Variants in CATSPER3 observed in about 807,000 individuals in gnomAD.
CATSPER3 encodes the protein cation channel sperm associated 3.
CATSPER3 carries 23 observed loss-of-function variants against 36.6 expected under a neutral mutation model. That is an observed-to-expected ratio of 0.63 (90% CI 0.45 to 0.89). The LOEUF (loss-of-function observed/expected upper bound fraction) is 0.89, where lower values mean the gene tolerates loss of function less well. CATSPER3 is among the 40% of genes least tolerant of loss of function. The pLI, the probability that CATSPER3 is intolerant of heterozygous loss-of-function variation, is 0.00. For missense variants in CATSPER3, 474 were observed against 503.9 expected (o/e 0.94, Z 0.57); for synonymous variants, 172 against 184.1 (o/e 0.93, Z 0.53).
Position 134,967,915 on chromosome 5 carries a change from G to T in CATSPER3, c.-77G>T. 9.1e-7 allele frequency: 1 copy of T among 1,102,404 alleles called. No individual in the cohort carries two copies. Among genetic ancestry groups the T allele is most frequent in the South Asian group, 1.3e-5 (1 of 78,906 alleles). 68.3% of individuals were successfully genotyped at this position (1,102,404 alleles called of 1,614,324 possible). A position where few individuals can be genotyped will look rare whatever the true frequency, so the allele number is the denominator to read the frequency against. On this transcript the variant is annotated 5_prime_UTR_variant, in exon 1 of 8. Coordinates refer to ENST00000282611, the MANE Select transcript of CATSPER3 (RefSeq NM_178019.3). ...CTTCTCTGCTGCCTCTCAGAATCCA[G>T]ACGCTAAGGAAAATCCCTAAGCAGA...
chr5:134,984,396 A>G (rs2149547980), intron 2 of CATSPER3, among the ~76,000 whole-genome samples: 1 of 152,346 alleles, frequency 6.6e-6, no homozygotes, highest in East Asian at 1.9e-4. Context: ...AATATCCAAA[A>G]TCTACAAGGA....
intron 5 of CATSPER3, 41 bp from the exon 6 acceptor site, chr5:135,009,330 A>T: frequency 1.2e-6 from 2 of 1,606,126 alleles, no homozygotes; most frequent in Non-Finnish European, 1.7e-6. Context: ...CTGGGCATGT[A>T]GCGAGAGCCT....
At chr5:134,987,044 AG>A (rs1241285711) in intron 2 of CATSPER3, among the ~76,000 whole-genome samples, 1 of 152,222 alleles carries the variant, frequency 6.6e-6, no homozygotes, top group African/African-American at 2.4e-5. Context: ...TAGAGGGTAG[AG>A]GAACAATAGA....
chr5:134,999,368 C>T (rs1751992172), intron 3 of CATSPER3, among the ~76,000 whole-genome samples: 2 of 152,252 alleles, frequency 1.3e-5, no homozygotes, highest in South Asian at 4.1e-4. Flanking sequence ...GTTCTTTTGG[C>T]TTAGGATTGT....
chr5:134,968,886 C>A (rs1490869299), intron 1 of CATSPER3: 1 of 152,096 alleles, frequency 6.6e-6, no homozygotes, highest in Non-Finnish European at 1.5e-5. Context: ...TAGACAGACA[C>A]TGTTAAAATT....
intron 2 of CATSPER3, among the ~76,000 whole-genome samples, chr5:134,988,903 A>G (rs1403492319): frequency 6.6e-6 from 1 of 152,138 alleles, no homozygotes; most frequent in Non-Finnish European, 1.5e-5. Flanking sequence ...AAGAATCACT[A>G]TGTCAGCTAT....
At chr5:134,986,781 A>G (rs373922011) in intron 2 of CATSPER3, among the ~76,000 whole-genome samples, 2 of 152,320 alleles carry the variant, frequency 1.3e-5, no homozygotes, top group Non-Finnish European at 2.9e-5. Context: ...ACTCTTAACT[A>G]ATGGGTCAGA....
chr5:134,972,958 G>A (rs1354753730), intron 2 of CATSPER3, among the ~76,000 whole-genome samples: 1 of 151,880 alleles, frequency 6.6e-6, no homozygotes, highest in Non-Finnish European at 1.5e-5. Flanking sequence ...ATGGTAATAT[G>A]TTATGCCAAA....
chr5:134,983,272 A>T (rs146839816), intron 2 of CATSPER3, among the ~76,000 whole-genome samples: 9 of 152,362 alleles, frequency 5.9e-5, no homozygotes, highest in African/African-American at 1.9e-4. Flanking sequence ...ACAGATTTTT[A>T]AAATCCCATT....
At chr5:134,993,184 T>C (rs948827363) in intron 2 of CATSPER3, among the ~76,000 whole-genome samples, 1 of 152,204 alleles carries the variant, frequency 6.6e-6, no homozygotes, top group African/African-American at 2.4e-5. Flanking sequence ...AAACATTCCA[T>C]GAAGTGAAAA....
chr5:134,985,393 A>G (rs1751796220), intron 2 of CATSPER3, among the ~76,000 whole-genome samples: 1 of 152,156 alleles, frequency 6.6e-6, no homozygotes, highest in Non-Finnish European at 1.5e-5. Flanking sequence ...GCAAAGGCAA[A>G]CAGAGTGGTA....
At chr5:134,977,734 T>G (rs373022695) in intron 2 of CATSPER3, among the ~76,000 whole-genome samples, 54 of 152,320 alleles carry the variant, frequency 3.5e-4, no homozygotes, top group African/African-American at 1.3e-3. Flanking sequence ...TGTGTTGCTG[T>G]AAAGAAATAC....
chr5:135,009,847 G>A (rs935797328), intron 6 of CATSPER3, among the ~76,000 whole-genome samples: 2 of 152,222 alleles, frequency 1.3e-5, no homozygotes, highest in African/African-American at 4.8e-5. Flanking sequence ...GAGTGGACGA[G>A]GATGCAGAGG....
intron 2 of CATSPER3, among the ~76,000 whole-genome samples, chr5:134,972,573 A>C (rs977729251): frequency 1.3e-5 from 2 of 152,214 alleles, no homozygotes; most frequent in African/African-American, 2.4e-5. Flanking sequence ...AAATGTAGGA[A>C]ATTTTTTAAA....
rs767442635 is a variant in CATSPER3 at position 135,009,403 on chromosome 5, G to A, written c.849G>A (p.Met283Ile). 6.2e-7 allele frequency: 1 copy of A among 1,613,220 alleles called. No homozygotes were observed. The highest frequency in any genetic ancestry group is 2.2e-5 in the East Asian group (1 of 44,876). ...TCAGAAAGTTTGAGCGAGAGCTGAT[G>A]TTGGAGCAGCAGGAGATGCTCATGG... ...DSIRKFERELMLEQQEMLMGE... is the reference protein window; with the variant it reads ...DSIRKFERELILEQQEMLMGE... Residue 283 changes from methionine (M) to isoleucine (I), a missense_variant, in exon 6 of 8, where the codon ATG (methionine) becomes ATA (isoleucine). Coordinates refer to ENST00000282611, the MANE Select transcript of CATSPER3 (RefSeq NM_178019.3).
chr5:134,984,338 T>TA (rs1436593974), intron 2 of CATSPER3, among the ~76,000 whole-genome samples: 1 of 151,986 alleles, frequency 6.6e-6, no homozygotes, highest in Non-Finnish European at 1.5e-5. Flanking sequence ...GTAGACAACA[T>TA]ACACAATGGG....
intron 3 of CATSPER3, among the ~76,000 whole-genome samples, chr5:135,005,653 C>G (rs909922027): frequency 2.0e-5 from 3 of 152,268 alleles, no homozygotes; most frequent in Non-Finnish European, 4.4e-5. Context: ...AGATGGCGCT[C>G]TGGCGCATTC....
At chr5:134,988,115 T>C (rs1278845934) in intron 2 of CATSPER3, among the ~76,000 whole-genome samples, 3 of 152,254 alleles carry the variant, frequency 2.0e-5, no homozygotes, top group Admixed American at 6.5e-5. Flanking sequence ...TACATTATAC[T>C]GTAGTCTGTT....
rs966585620 is a variant in CATSPER3 at position 135,007,833 on chromosome 5, A to G, written c.493-124A>G. 9.2e-5 allele frequency: 36 copies of G among 389,740 alleles called. 1 individual carries two copies. The highest frequency in any genetic ancestry group is 4.1e-4 in the South Asian group (25 of 60,958). The allele number at this position is 389,740 out of a possible 1,614,324, so 24.1% of individuals were successfully genotyped here. ...ACCCACCCACCCTTATTGAGCATCT[A>G]CCTTGTGCCAGGCATGGCAACAGTT... is the stretch of plus-strand genomic sequence containing the variant. On this transcript the variant is annotated intron_variant, in intron 3 of 7. Transcript: ENST00000282611.
Sources: allele counts gnomAD v4.1 joint callset (sites outside exome capture counted in the v4.1 genomes callset), GRCh38; gene constraint gnomAD v4.1.1; transcripts MANE v1.5; gene names NCBI Gene and HGNC (gene_info 2026-07-23, HGNC 2026-07-21).